The following STAT3 variants were observed in gnomAD, a reference collection of about 807,000 sequenced individuals.
STAT3 encodes signal transducer and activator of transcription 3.
STAT3 carries 7 observed loss-of-function variants against 114.3 expected under a neutral mutation model. That is an observed-to-expected ratio of 0.06 (90% CI 0.03 to 0.11). The LOEUF (loss-of-function observed/expected upper bound fraction) is 0.11. Ranked by LOEUF, STAT3 falls within the 10% of genes least tolerant of loss-of-function variation. STAT3 has a pLI of 1.00. For missense variants in STAT3, 364 were observed against 960.9 expected (o/e 0.38, Z 8.21); for synonymous variants, 331 against 354.5 (o/e 0.93, Z 0.74).
At position 42,314,669 on chromosome 17, in the gene STAT3, AT is replaced by A. The variant is rs2081187441; in HGVS notation, c.*1075del. The A allele has an allele frequency of 1.3e-5, 3 of 225,574 alleles. No homozygotes were observed. The highest frequency in any genetic ancestry group is 2.7e-5 in the Non-Finnish European group (3 of 112,910). The allele number at this position is 225,574 out of a possible 1,614,324, so 14.0% of individuals were successfully genotyped here. On this transcript the variant is annotated 3_prime_UTR_variant, in exon 24 of 24. Coordinates refer to ENST00000264657, the MANE Select transcript of STAT3 (RefSeq NM_139276.3). ...ATTACAAAGGAAAATAAGTCTATTTATAAAAAAAAGTCTAAAATGCTTAGAT... is the reference window on the plus strand; with the variant it reads ...ATTACAAAGGAAAATAAGTCTATTTAAAAAAAAAGTCTAAAATGCTTAGAT...
chr17:42,315,386 T>C lies in STAT3; in HGVS notation c.*359A>G. On this transcript the variant is annotated 3_prime_UTR_variant, in exon 24 of 24. Transcript: ENST00000264657. ...TGCCGCAGGCACCAGGAGGCACTTGTCTAAGAACAACAACAACAATAACAA... is the reference window on the plus strand; with the variant it reads ...TGCCGCAGGCACCAGGAGGCACTTGCCTAAGAACAACAACAACAATAACAA... 4.4e-6 allele frequency: 2 copies of C among 452,566 alleles called. No homozygotes were observed. The highest frequency in any genetic ancestry group is 8.2e-6 in the Non-Finnish European group (2 of 245,150). The allele number at this position is 452,566 out of a possible 1,614,324, so 28.0% of individuals were successfully genotyped here.
Position 42,334,060 on chromosome 17 carries a change from AT to A in STAT3, c.798-12del, listed in dbSNP as rs750140462. The A allele has an allele frequency of 1.2e-6, 2 of 1,614,108 alleles. No individual in the cohort carries two copies. The highest frequency in any genetic ancestry group is 1.7e-6 in the Non-Finnish European group (2 of 1,180,024). On this transcript the variant is annotated splice_polypyrimidine_tract_variant and intron_variant, in intron 8 of 23. Coordinates refer to ENST00000264657, the MANE Select transcript of STAT3 (RefSeq NM_139276.3). Reference sequence around the variant, plus strand: ...GCTAATGACGTTATCCTGCCAATAAATTAAGAAAGATGCTAATTACCAAAGT... The same window carrying A: ...GCTAATGACGTTATCCTGCCAATAAATAAGAAAGATGCTAATTACCAAAGT...
intron 4 of STAT3, among the ~76,000 whole-genome samples, chr17:42,343,601 C>T (rs544181325): frequency 4.0e-5 from 6 of 151,864 alleles, no homozygotes; most frequent in South Asian, 2.1e-4. Context: ...ACTACAGGCG[C>T]GTACCACCAC....
At position 42,384,124 on chromosome 17, in the gene STAT3, A is replaced by T. The variant is rs1033538459; in HGVS notation, c.-24+4155T>A. ...GCTCCAAAGTTTTATTTATTTATTTATTTATTTATTTTTTTTTTTTTTGAG... is the reference window on the plus strand; with the variant it reads ...GCTCCAAAGTTTTATTTATTTATTTTTTTATTTATTTTTTTTTTTTTTGAG... On this transcript the variant is annotated intron_variant, in intron 1 of 23. Coordinates refer to ENST00000264657, the MANE Select transcript of STAT3 (RefSeq NM_139276.3). 7.9e-4 allele frequency among the ~76,000 whole-genome samples: 65 copies of T among 82,040 alleles called. No homozygotes were observed. In the East Asian group the frequency reaches 0.014, roughly 18 times the overall value. The allele number at this position is 82,040 out of a possible 152,430, so 53.8% of individuals were successfully genotyped here. A position where few individuals can be genotyped will look rare whatever the true frequency, so the allele number is the denominator to read the frequency against.
At position 42,314,575 on chromosome 17, in the gene STAT3, G is replaced by A. The variant is rs2081184994; in HGVS notation, c.*1170C>T. The A allele has an allele frequency of 4.3e-6, 1 of 232,516 alleles. No homozygotes were observed. The highest frequency in any genetic ancestry group is 1.8e-4 in the South Asian group (1 of 5,524). The allele number at this position is 232,516 out of a possible 1,614,324, so 14.4% of individuals were successfully genotyped here. On this transcript the variant is annotated 3_prime_UTR_variant, in exon 24 of 24. Coordinates refer to ENST00000264657, the MANE Select transcript of STAT3 (RefSeq NM_139276.3). ...CCTAGCCTCTGAAACAGCAGATCAAGTCCAGGGAGAAAGGGAGTCAAGGTT... is the reference window on the plus strand; with the variant it reads ...CCTAGCCTCTGAAACAGCAGATCAAATCCAGGGAGAAAGGGAGTCAAGGTT...
intron 1 of STAT3, among the ~76,000 whole-genome samples, chr17:42,370,140 T>C (rs144904254): frequency 0.044 from 6,631 of 151,750 alleles, 202 homozygotes; most frequent in Middle Eastern, 0.075. Context: ...CAGCTAACTT[T>C]AGTATTTTTA....
At chr17:42,349,890 C>T (rs1409115222) in intron 1 of STAT3, among the ~76,000 whole-genome samples, 1 of 152,138 alleles carries the variant, frequency 6.6e-6, no homozygotes, top group Non-Finnish European at 1.5e-5. Context: ...AACCCTGTCT[C>T]TACTAAAAAC....
chr17:42,332,872 G>A (rs1205042847), intron 10 of STAT3, among the ~76,000 whole-genome samples: 2 of 151,760 alleles, frequency 1.3e-5, no homozygotes, highest in African/African-American at 4.8e-5. Flanking sequence ...GTGGTGGCAC[G>A]CACCTCTATT....
chr17:42,340,281 G>A (rs1266129809), intron 4 of STAT3, among the ~76,000 whole-genome samples: 3 of 151,280 alleles, frequency 2.0e-5, no homozygotes, highest in Middle Eastern at 3.4e-3. Flanking sequence ...GCCTGAACCC[G>A]GGAGGTGGAG....
chr17:42,352,001 A>G (rs1210372340), intron 1 of STAT3, among the ~76,000 whole-genome samples: 1 of 151,984 alleles, frequency 6.6e-6, no homozygotes, highest in Non-Finnish European at 1.5e-5. Context: ...TATCAGTTCA[A>G]GACCAGTCTG....
Position 42,348,493 on chromosome 17 carries a change from C to A in STAT3, c.24G>T (p.Gln8His). The change falls in exon 2 of 24, where the codon CAG (glutamine) becomes CAT (histidine). Residue 8 changes from glutamine to histidine, a missense_variant. By Grantham distance (24) the Gln-to-His change is conservative. This residue lies in a region of STAT3 where 294 missense variants were observed against 745.1 expected (regional missense o/e 0.39). Transcript: ENST00000264657. MAQWNQL[Q>H]QLDTRYLEQL... ...GCTCCAGGTACCGTGTGTCAAGCTG[C>A]TGTAGCTGATTCCATTGGGCCATCC... is the stretch of plus-strand genomic sequence containing the variant. 6.2e-7 allele frequency: 1 copy of A among 1,613,884 alleles called. No homozygotes were observed.
rs941945346 is a variant in STAT3, at chr17:42,315,069, C to G, written c.*676G>C. 1 of 183,262 alleles carries G rather than the reference C, an allele frequency of 5.5e-6. No individual in the cohort carries two copies. Among genetic ancestry groups the G allele is most frequent in the Admixed American group, 6.2e-5 (1 of 16,010 alleles). The allele number at this position is 183,262 out of a possible 1,614,324, so 11.4% of individuals were successfully genotyped here. On this transcript the variant is annotated 3_prime_UTR_variant, in exon 24 of 24. Coordinates refer to ENST00000264657, the MANE Select transcript of STAT3 (RefSeq NM_139276.3). ...TAGAGACGGGGTTTCACCGTGTTAG[C>G]CAGGATGGTCTTGATCTCCTGACCT...
At chr17:42,382,789 G>A (rs2084873531) in intron 1 of STAT3, among the ~76,000 whole-genome samples, 1 of 151,982 alleles carries the variant, frequency 6.6e-6, no homozygotes, top group Non-Finnish European at 1.5e-5. Flanking sequence ...TGGGACTACA[G>A]GCGTCTGCCA....
intron 4 of STAT3, among the ~76,000 whole-genome samples, chr17:42,342,554 TCAG>T (rs1368082370): frequency 6.6e-6 from 1 of 152,084 alleles, no homozygotes; most frequent in Admixed American, 6.6e-5. Flanking sequence ...GATAGTGATG[TCAG>T]CAGCAGCAGA....
Position 42,338,984 on chromosome 17 carries a change from G to A in STAT3, c.469-172C>T, listed in dbSNP as rs1009770708. On this transcript the variant is annotated intron_variant, in intron 5 of 23. Transcript: ENST00000264657. ...GGCTCCCTGTTGGCCAGGTGCAGTG[G>A]CTCACGCCTGTAATGCCAGCACTTT... Among the ~76,000 whole-genome samples, 4 of 152,180 alleles carry A rather than the reference G, an allele frequency of 2.6e-5. No individual in the cohort carries two copies. The East Asian group carries it at 5.8e-4, about 22-fold the overall frequency.
intron 23 of STAT3, 189 bp downstream of exon 23, chr17:42,316,600 T>C: frequency 6.9e-7 from 1 of 1,444,418 alleles, no homozygotes; most frequent in Non-Finnish European, 9.4e-7. Flanking sequence ...TAAGTTCGTC[T>C]ATTTCCAGTG....
Position 42,337,157 on chromosome 17 carries a change from T to C in STAT3, c.797+278A>G, listed in dbSNP as rs2082263089. 6.6e-6 allele frequency among the ~76,000 whole-genome samples: 1 copy of C among 151,936 alleles called. No homozygotes were observed. Among genetic ancestry groups the C allele is most frequent in the Non-Finnish European group, 1.5e-5 (1 of 67,998 alleles). On this transcript the variant is annotated intron_variant, in intron 8 of 23. Transcript: ENST00000264657. This position sits in a 1 kb window ranked among gnomAD's most constrained non-coding sequence, Gnocchi z 4.0. ...ACCACGCCCGGCTAATTTTTTTATG[T>C]TTTTAGTAGAGATGTGTTTTCACCA...
Position 42,349,821 on chromosome 17 carries a change from C to T in STAT3, c.-23-1282G>A, listed in dbSNP as rs544374183. ...CCTGTAATCCCAGCACTTTGGGAGG[C>T]CAAGGCGGGCAGATCACCTGAGGTC... On this transcript the variant is annotated intron_variant, in intron 1 of 23. Transcript: ENST00000264657. Among the ~76,000 whole-genome samples the T allele has an allele frequency of 7.2e-4, 109 of 152,302 alleles. 1 individual carries two copies. Among genetic ancestry groups the T allele is most frequent in the African/African-American group, 2.5e-3 (105 of 41,556 alleles).
At chr17:42,335,482 A>G (rs1271253697) in intron 8 of STAT3, among the ~76,000 whole-genome samples, 1 of 152,200 alleles carries the variant, frequency 6.6e-6, no homozygotes, top group Admixed American at 6.5e-5. Context: ...CGTGAGCCAC[A>G]ACACCCAATC....
Sources: gnomAD v4.1 joint callset for allele counts (sites outside exome capture counted in the v4.1 genomes callset) on GRCh38, gnomAD v4.1.1 for gene constraint, gnomAD v4.1.1 regional missense constraint, Gnocchi (gnomAD v3.1) non-coding constraint, MANE v1.5 for transcripts, NCBI Gene and HGNC (gene_info 2026-07-23, HGNC 2026-07-21) for gene names.